Variants in RPN1 observed in about 807,000 individuals in gnomAD.
The protein encoded by RPN1 is ribophorin I, also known as dolichyl-diphosphooligosaccharide--protein glycosyltransferase subunit 1.
A neutral mutation model predicts 55.5 loss-of-function variants in RPN1; 12 were observed. The ratio of observed to expected loss-of-function variants is 0.22; its 90% CI spans 0.14 to 0.35. RPN1 has a LOEUF of 0.35. RPN1 is among the 10% of genes least tolerant of loss of function. RPN1 has a pLI of 1.00. For missense variants in RPN1, 679 were observed against 761.3 expected, an observed-to-expected ratio of 0.89 and a Z score of 1.27; for synonymous variants, 317 against 305.9, an observed-to-expected ratio of 1.04 and a Z score of -0.38.
Position 128,650,646 on chromosome 3 carries a change from T to A in RPN1, c.155A>T (p.Glu52Val), listed in dbSNP as rs1427230616. Residue 52 changes from glutamate (E) to valine (V), a missense_variant, in exon 1 of 10, where the codon GAG (glutamate) becomes GTG (valine). By Grantham distance (121) the Glu-to-Val change is moderately radical (BLOSUM62 -2). This residue lies in a region of RPN1 where 352 missense variants were observed against 352.8 expected (regional missense o/e 1.00). Coordinates refer to ENST00000296255, the MANE Select transcript of RPN1 (RefSeq NM_002950.4). ...GCCGCCCAGGTGCGCCAGGACCACC[T>A]CGGCCGTCACCTTAGCCAGGTGGCT... ...LSSHLAKVTAEVVLAHLGGGS... is the reference protein window; with the variant it reads ...LSSHLAKVTAVVVLAHLGGGS... The A allele has an allele frequency of 1.3e-6, 2 of 1,559,440 alleles. No individual in the cohort carries two copies. Among genetic ancestry groups the A allele is most frequent in the Non-Finnish European group, 1.7e-6 (2 of 1,151,664 alleles).
intron 1 of RPN1, among the ~76,000 whole-genome samples, chr3:128,645,933 G>A (rs2069763430): frequency 6.6e-6 from 1 of 151,964 alleles, no homozygotes; most frequent in South Asian, 2.1e-4. Context: ...TCAAAGAAAT[G>A]TATTTAGTGA....
At chr3:128,644,568 A>G (rs963031114) in intron 2 of RPN1, 12 of 472,464 alleles carry the variant, frequency 2.5e-5, no homozygotes, top group African/African-American at 2.0e-4. Context: ...GCTGAGGGAG[A>G]AGGACGGTTT....
chr3:128,646,027 G>A (rs1057419463), intron 1 of RPN1, among the ~76,000 whole-genome samples: 1 of 151,434 alleles, frequency 6.6e-6, no homozygotes, highest in African/African-American at 2.4e-5. Flanking sequence ...GGCGGATCAC[G>A]AGGTCAGGAG....
chr3:128,622,402 G>A lies in RPN1; in HGVS notation c.1403C>T (p.Ala468Val), dbSNP rs1181375835. The change falls in exon 9 of 10, where the codon GCC (alanine) becomes GTC (valine). Residue 468 changes from alanine (A) to valine (V), a missense_variant. Around this residue, in one of 3 missense-constraint regions of RPN1, gnomAD observed 306 missense variants for 360.0 expected, o/e 0.85. Coordinates refer to ENST00000296255, the MANE Select transcript of RPN1 (RefSeq NM_002950.4). ...GGCTACCTTCATCCTGGCTTCTGCG[G>A]CTGGATCCTGAAGGAAGGAGAGGCA... ...RLDFSITKDPAAEARMKVACI... is the reference protein window; with the variant it reads ...RLDFSITKDPVAEARMKVACI... 5.0e-6 allele frequency: 8 copies of A among 1,614,006 alleles called. No homozygotes were observed. The South Asian group carries it at 8.8e-5, about 18-fold the overall frequency.
At chr3:128,637,373 A>G (rs1309707046) in intron 3 of RPN1, among the ~76,000 whole-genome samples, 1 of 152,090 alleles carries the variant, frequency 6.6e-6, no homozygotes, top group African/African-American at 2.4e-5. Context: ...CATGTTTGCG[A>G]TTTGCCATAG....
chr3:128,627,623 TAGTC>T (rs1231016218), intron 5 of RPN1, among the ~76,000 whole-genome samples: 3 of 150,320 alleles, frequency 2.0e-5, no homozygotes, highest in Admixed American at 6.6e-5. Context: ...CTATAAAAAT[TAGTC>T]AGGTGTGGTG....
intron 3 of RPN1, 57 bp downstream of exon 3, chr3:128,637,742 C>T: frequency 1.3e-6 from 2 of 1,547,860 alleles, no homozygotes; most frequent in Non-Finnish European, 1.8e-6. Flanking sequence ...CCAGTAGTCA[C>T]TCTGCAAGAC....
chr3:128,638,589 A>G lies in RPN1; in HGVS notation c.327-484T>C, dbSNP rs1441620934. The stretch of plus-strand genomic sequence containing the variant: ...CCACCTCCCAGGTTCAAGAGATTCT[A>G]TTGCCTCAGCCTCCCGAGTAGCTGG... On this transcript the variant is annotated intron_variant, in intron 2 of 9. Coordinates refer to ENST00000296255, the MANE Select transcript of RPN1 (RefSeq NM_002950.4). Among the ~76,000 whole-genome samples, 5 of 152,064 alleles carry G rather than the reference A, an allele frequency of 3.3e-5. No individual in the cohort carries two copies. In the East Asian group the frequency reaches 9.7e-4, roughly 29 times the overall value.
At chr3:128,621,298 C>T (rs1227161934) in intron 9 of RPN1, among the ~76,000 whole-genome samples, 3 of 152,158 alleles carry the variant, frequency 2.0e-5, no homozygotes, top group African/African-American at 7.2e-5. Flanking sequence ...AACACTTGGG[C>T]TCAGGAGTTC....
chr3:128,639,251 G>C (rs1280507593), intron 2 of RPN1, among the ~76,000 whole-genome samples: 7 of 152,014 alleles, frequency 4.6e-5, no homozygotes, highest in Non-Finnish European at 8.8e-5. Context: ...AGGAGATCAA[G>C]ACCAACCTGG....
Position 128,638,040 on chromosome 3 carries a change from A to G in RPN1, c.392T>C (p.Val131Ala). The part of the protein sequence containing the change: ...LDPGAKISVI[V>A]ETVYTHVLHP... ...AAGCACATGGGTGTAGACTGTTTCCACAATGACTGAAATCTTGGCCCCAGG... is the reference window on the plus strand; with the variant it reads ...AAGCACATGGGTGTAGACTGTTTCCGCAATGACTGAAATCTTGGCCCCAGG... The change falls in exon 3 of 10, where the codon GTG (valine) becomes GCG (alanine). Residue 131 changes from valine (V) to alanine (A), a missense_variant. Around this residue, in one of 3 missense-constraint regions of RPN1, gnomAD observed 352 missense variants for 352.8 expected, o/e 1.00. Transcript: ENST00000296255. 1.2e-6 allele frequency: 2 copies of G among 1,614,136 alleles called. No individual in the cohort carries two copies. The highest frequency in any genetic ancestry group is 1.7e-6 in the Non-Finnish European group (2 of 1,179,984).
chr3:128,631,399 A>G (rs1198455671), intron 4 of RPN1, among the ~76,000 whole-genome samples: 3 of 151,132 alleles, frequency 2.0e-5, no homozygotes, highest in Non-Finnish European at 4.4e-5. Flanking sequence ...AATTGCTTGA[A>G]CCTGGGAGGC....
intron 5 of RPN1, chr3:128,627,095 C>G: frequency 2.3e-6 from 1 of 440,090 alleles, no homozygotes; most frequent in South Asian, 2.4e-5. Context: ...AGAGAAGAAA[C>G]AGGGCAACTG....
intron 1 of RPN1, among the ~76,000 whole-genome samples, chr3:128,646,106 TG>T (rs2069765644): frequency 6.8e-6 from 1 of 147,272 alleles, no homozygotes. Flanking sequence ...TAGCCGGGTG[TG>T]GTGGCGTGTG....
intron 3 of RPN1, among the ~76,000 whole-genome samples, chr3:128,635,332 T>C (rs1024080384): frequency 1.3e-5 from 2 of 151,626 alleles, no homozygotes; most frequent in African/African-American, 2.4e-5. Context: ...GACAGAGTCT[T>C]GCTCTGTTGC....
At chr3:128,638,599 C>G (rs1370298284) in intron 2 of RPN1, among the ~76,000 whole-genome samples, 2 of 152,150 alleles carry the variant, frequency 1.3e-5, no homozygotes, top group African/African-American at 4.8e-5. Flanking sequence ...ATTGCCTCAG[C>G]CTCCCGAGTA....
intron 3 of RPN1, among the ~76,000 whole-genome samples, chr3:128,636,002 TATAACTTGTTATATGATTTTGTTACAC>T (rs2069679454): frequency 6.6e-6 from 1 of 152,140 alleles, no homozygotes; most frequent in African/African-American, 2.4e-5. Context: ...TTTTGTTACA[TATAACTTGTTATATGATTTTGTTACAC>T]ATAACTTGTT....
At chr3:128,647,646 G>T (rs1387360277) in intron 1 of RPN1, among the ~76,000 whole-genome samples, 1 of 151,276 alleles carries the variant, frequency 6.6e-6, no homozygotes, top group Admixed American at 6.6e-5. Context: ...AGCTCTGACT[G>T]GGCCACTGTG....
chr3:128,629,856 T>C, intron 5 of RPN1, 95 bp downstream of exon 5: 1 of 679,106 alleles, frequency 1.5e-6, no homozygotes, highest in African/African-American at 1.8e-5. Context: ...GAATGACAAA[T>C]GAACACACCC....
Sources: allele counts gnomAD v4.1 joint callset (sites outside exome capture counted in the v4.1 genomes callset), GRCh38; gene constraint gnomAD v4.1.1; regional missense constraint gnomAD v4.1.1; transcripts MANE v1.5; gene names NCBI Gene and HGNC (gene_info 2026-07-23, HGNC 2026-07-21).